The following LIPH variants were observed in gnomAD, a reference collection of about 807,000 sequenced individuals.
The protein encoded by LIPH is lipase member H.
A neutral mutation model predicts 47.6 loss-of-function variants in LIPH; 32 were observed. The ratio of observed to expected loss-of-function variants is 0.67; its 90% CI spans 0.51 to 0.90. The LOEUF (loss-of-function observed/expected upper bound fraction) is 0.90. Ranked by LOEUF, LIPH falls within the 40% of genes least tolerant of loss-of-function variation. The probability of loss-of-function intolerance (pLI) is 0.00; values close to 1 mark genes in which losing one functional copy is unlikely to be tolerated. For missense variants in LIPH, 497 were observed against 541.4 expected, an observed-to-expected ratio of 0.92 and a Z score of 0.81; for synonymous variants, 190 against 195.6, an observed-to-expected ratio of 0.97 and a Z score of 0.24.
rs57390243 is a variant in LIPH at position 185,517,333 on chromosome 3, A to G, written c.887-171T>C. Among the ~76,000 whole-genome samples the G allele has an allele frequency of 0.095, 14,529 of 152,186 alleles. 1,274 individuals are homozygous for G. Among genetic ancestry groups the G allele is most frequent in the African/African-American group, 0.24 (9,863 of 41,470 alleles). On this transcript the variant is annotated intron_variant, in intron 6 of 9. Transcript: ENST00000296252. ...TGCAGGGTGACCCATCTTGCTGGCCAACCCTGTCCCTAAGAGCTGAAGGGC... is the reference window on the plus strand; with the variant it reads ...TGCAGGGTGACCCATCTTGCTGGCCGACCCTGTCCCTAAGAGCTGAAGGGC...
At position 185,511,655 on chromosome 3, in the gene LIPH, A is replaced by G. The variant is rs1259419064; in HGVS notation, c.1137T>C (p.Leu379=). 6.2e-7 allele frequency: 1 copy of G among 1,613,452 alleles called. No homozygotes were observed. The highest frequency in any genetic ancestry group is 8.5e-7 in the Non-Finnish European group (1 of 1,179,510). Residue 379 remains leucine (L), a synonymous_variant, in exon 9 of 10, where the codon CTT becomes CTC. Coordinates refer to ENST00000296252, the MANE Select transcript of LIPH (RefSeq NM_139248.3). ...TFQKYHQVSL[L]ARFNQDLDKV... is the part of the protein sequence containing the mutation. The stretch of plus-strand genomic sequence containing the variant: ...TATCCAGATCTTGATTAAATCTTGC[A>G]AGTAGACTCACTTGGTGATATTTCT...
chr3:185,519,836 CAAAAAAAAAAAAAAA>C (rs145391972), intron 5 of LIPH, among the ~76,000 whole-genome samples: 681 of 53,852 alleles, frequency 0.013, 14 homozygotes, highest in African/African-American at 0.029. Context: ...CACTCCATCT[CAAAAAAAAAAAAAAA>C]AAAAAAAAAA....
At chr3:185,519,072 A>G (rs1190198997) in intron 6 of LIPH, 70 bp downstream of exon 6, 2 of 1,309,614 alleles carry the variant, frequency 1.5e-6, no homozygotes, top group Non-Finnish European at 2.2e-6. Context: ...TACATGATAA[A>G]GTGGTTCTGG....
chr3:185,548,070 C>A (rs1418729934), intron 1 of LIPH, among the ~76,000 whole-genome samples: 1 of 152,138 alleles, frequency 6.6e-6, no homozygotes, highest in Non-Finnish European at 1.5e-5. Flanking sequence ...AAATAAAAAT[C>A]TGAAGTTTTT....
At chr3:185,549,865 A>G (rs1037963827) in intron 1 of LIPH, among the ~76,000 whole-genome samples, 11 of 152,070 alleles carry the variant, frequency 7.2e-5, no homozygotes, top group Admixed American at 7.2e-4. Flanking sequence ...CAACCAAAAA[A>G]ATTTTTTAAG....
chr3:185,508,632 T>G lies in LIPH; in HGVS notation c.*158A>C. The G allele has an allele frequency of 1.5e-6, 1 of 664,788 alleles. No individual in the cohort carries two copies. The highest frequency in any genetic ancestry group is 2.7e-6 in the Non-Finnish European group (1 of 366,224). The allele number at this position is 664,788 out of a possible 1,614,324, so 41.2% of individuals were successfully genotyped here. ...CAGGATCGTTTTATAATCACAAGGT[T>G]GTTTGATGTACAATGTGACATCCAT... On this transcript the variant is annotated 3_prime_UTR_variant, in exon 10 of 10. Coordinates refer to ENST00000296252, the MANE Select transcript of LIPH (RefSeq NM_139248.3).
At chr3:185,525,789 A>G (rs1720050891) in intron 4 of LIPH, among the ~76,000 whole-genome samples, 4 of 152,264 alleles carry the variant, frequency 2.6e-5, no homozygotes, top group Admixed American at 2.6e-4. Flanking sequence ...ATTAAAATGT[A>G]CTTTGCAAAC....
intron 3 of LIPH, among the ~76,000 whole-genome samples, chr3:185,528,232 G>C (rs1270543788): frequency 6.7e-6 from 1 of 149,424 alleles, no homozygotes; most frequent in African/African-American, 2.5e-5. Context: ...AAGAGAGAGA[G>C]AGAGAGAGAG....
intron 1 of LIPH, among the ~76,000 whole-genome samples, chr3:185,548,794 A>T (rs1334387956): frequency 6.6e-6 from 1 of 151,768 alleles, no homozygotes; most frequent in Non-Finnish European, 1.5e-5. Context: ...CCGCATCCTG[A>T]GCCAGGCTGT....
At chr3:185,522,658 G>GA (rs879833465) in intron 5 of LIPH, among the ~76,000 whole-genome samples, 854 of 23,702 alleles carry the variant, frequency 0.036, 8 homozygotes, top group Middle Eastern at 0.12. Flanking sequence ...GAAAAAGAAA[G>GA]AAAGAAAGAA....
intron 5 of LIPH, among the ~76,000 whole-genome samples, chr3:185,520,082 C>T (rs1444045598): frequency 6.6e-6 from 1 of 152,060 alleles, no homozygotes; most frequent in African/African-American, 2.4e-5. Flanking sequence ...TTTGAAAGCC[C>T]CTGGTCTAAC....
At chr3:185,511,799 C>G in intron 8 of LIPH, 102 bp from the exon 9 acceptor site, 1 of 809,644 alleles carries the variant, frequency 1.2e-6, no homozygotes, top group African/African-American at 1.7e-5. Flanking sequence ...CTATTTCACC[C>G]CATAGCCTGC....
chr3:185,547,468 T>C (rs1412879491), intron 1 of LIPH, among the ~76,000 whole-genome samples: 3 of 152,116 alleles, frequency 2.0e-5, no homozygotes, highest in Non-Finnish European at 2.9e-5. Context: ...ATTAATAACT[T>C]CTTTAGAACA....
intron 1 of LIPH, 88 bp from the exon 2 acceptor site, chr3:185,535,220 T>G: frequency 6.8e-7 from 1 of 1,478,436 alleles, no homozygotes; most frequent in African/African-American, 1.4e-5. Context: ...GTAGGAGTTC[T>G]TCTTATGTTC....
chr3:185,541,965 C>A (rs1371570516), intron 1 of LIPH, among the ~76,000 whole-genome samples: 4 of 151,968 alleles, frequency 2.6e-5, no homozygotes, highest in Admixed American at 2.6e-4. Context: ...CCATGTTGGC[C>A]AGGCTGGTCT....
At chr3:185,539,289 CTG>C (rs1366756969) in intron 1 of LIPH, among the ~76,000 whole-genome samples, 1 of 151,704 alleles carries the variant, frequency 6.6e-6, no homozygotes, top group African/African-American at 2.4e-5. Flanking sequence ...TTTATCATAA[CTG>C]GGCTCTCTTG....
intron 3 of LIPH, among the ~76,000 whole-genome samples, chr3:185,529,965 GGAA>G (rs1720275541): frequency 1.9e-4 from 20 of 103,104 alleles, no homozygotes; most frequent in African/African-American, 7.6e-4. Context: ...AAAGAAAGAA[GGAA>G]AGAAAGAAAG....
chr3:185,519,932 A>T (rs963295959), intron 5 of LIPH, among the ~76,000 whole-genome samples: 9 of 148,696 alleles, frequency 6.1e-5, no homozygotes, highest in Non-Finnish European at 1.3e-4. Context: ...TGATCCATAG[A>T]TTGCCTGCAT....
chr3:185,538,874 C>T (rs55762903), intron 1 of LIPH, among the ~76,000 whole-genome samples: 1 of 140,500 alleles, frequency 7.1e-6, no homozygotes, highest in African/African-American at 2.6e-5. Flanking sequence ...CATATATACA[C>T]ATATATATAC....
Sources: gnomAD v4.1 joint callset for allele counts (sites outside exome capture counted in the v4.1 genomes callset) on GRCh38, gnomAD v4.1.1 for gene constraint, MANE v1.5 for transcripts, NCBI Gene and HGNC (gene_info 2026-07-23, HGNC 2026-07-21) for gene names.